RNF213: variants seen among roughly 807,000 people sequenced by gnomAD.
RNF213 encodes the protein ring finger protein 213.
RNF213 carries 341 observed loss-of-function variants against 514.4 expected under a neutral mutation model. The observed-to-expected ratio is 0.66, with a 90% CI of 0.61 to 0.73. RNF213 has a LOEUF of 0.73. Among genes scored for constraint, RNF213 ranks in the 30% least tolerant of loss-of-function variants. RNF213 has a pLI of 0.00. For synonymous variants in RNF213, 2,655 were observed against 2,658.2 expected, an observed-to-expected ratio of 1.00 and a Z score of 0.04; for missense variants, 5,767 against 6,615.6, an observed-to-expected ratio of 0.87 and a Z score of 4.45.
rs2079654771 is a variant in RNF213, at chr17:80,374,367, T to C, written c.12943-91T>C. ...AGCTTGGCTGCCTTTAAACCTCGAA[T>C]GATCAACCACCTGGTTCCTGTACCC... On this transcript the variant is annotated intron_variant, in intron 49 of 67. Transcript: ENST00000582970. 9 of 1,566,364 alleles carry C rather than the reference T, an allele frequency of 5.7e-6. No individual in the cohort carries two copies. The East Asian group carries it at 1.6e-4, about 27-fold the overall frequency.
chr17:80,361,843 T>C lies in RNF213; in HGVS notation c.11310T>C (p.Asp3770=). 6.2e-7 allele frequency: 1 copy of C among 1,613,942 alleles called. No homozygotes were observed. ...QQELLQCYLK[D]FILLTMRVST... is the part of the protein sequence containing the mutation. ...AACTTCTTCAGTGTTACTTGAAGGA[T>C]TTCATTCTCTTGACCATGCGTGTGT... The change falls in exon 39 of 68, where the codon GAT becomes GAC. Residue 3770 remains aspartate (D), a synonymous_variant. Transcript: ENST00000582970.
Position 80,386,324 on chromosome 17 carries a change from C to A in RNF213, c.14614C>A (p.Arg4872Ser). ...LDTEFEILLP[R>S]RRGLGLCATA... ...CACTGAGTTTGAGATCCTCTTGCCA[C>A]GCCGACGGGGCCTGGGCCTCTGTGC... is the stretch of plus-strand genomic sequence containing the variant. The change falls in exon 62 of 68, where the codon CGC (arginine) becomes AGC (serine). Residue 4872 changes from arginine (R) to serine (S), a missense_variant. Arg to Ser is a moderately radical substitution (Grantham distance 110). This residue lies in a region of RNF213 where 1,245 missense variants were observed against 1,339.0 expected (regional missense o/e 0.93). Transcript: ENST00000582970. The A allele has an allele frequency of 4.3e-6, 7 of 1,614,016 alleles. No individual in the cohort carries two copies. The highest frequency in any genetic ancestry group is 1.3e-5 in the African/African-American group (1 of 75,066).
intron 18 of RNF213, 142 bp from the exon 19 acceptor site, chr17:80,327,674 G>A (rs9908583): frequency 0.64 from 417,597 of 651,512 alleles, 138,514 homozygotes; most frequent in Middle Eastern, 0.71. Context: ...AATGATTGGC[G>A]CATCTGGAGA....
intron 13 of RNF213, among the ~76,000 whole-genome samples, chr17:80,308,332 T>TA (rs1475266837): frequency 1.3e-5 from 2 of 152,026 alleles, no homozygotes; most frequent in African/African-American, 4.8e-5. Flanking sequence ...AGTCCTTTCT[T>TA]ACACCGCCTT....
rs752591456 is a variant in RNF213 at position 80,332,064 on chromosome 17, T to C, written c.3576T>C (p.Asn1192=). 1 of 1,537,178 alleles carries C rather than the reference T, an allele frequency of 6.5e-7. No individual in the cohort carries two copies. Residue 1192 remains asparagine, a synonymous_variant, in exon 21 of 68, where the codon AAT becomes AAC. Transcript: ENST00000582970. ...HSQDLSSKRL[N]DTVTVRLSTS... is the part of the protein sequence containing the mutation. ...AAGACCTCAGCAGTAAAAGATTAAA[T>C]GACACCGTGACAGTGAGACTGTCCA...
In RNF213 at chr17:80,375,819, G is replaced by A. The variant is rs140209733; in HGVS notation, c.13134G>A (p.Glu4378=). 9.2e-5 allele frequency: 148 copies of A among 1,614,096 alleles called. No individual in the cohort carries two copies. The highest frequency in any genetic ancestry group is 1.2e-4 in the Non-Finnish European group (141 of 1,180,042). The change falls in exon 51 of 68, where the codon GAG becomes GAA. Residue 4378 remains glutamate (E), a synonymous_variant. Coordinates refer to ENST00000582970, the MANE Select transcript of RNF213 (RefSeq NM_001256071.3). ...SAYFLLTLFR[E]VAILYRSHNA... Reference sequence around the variant, plus strand: ...ACTTCCTGTTAACACTGTTTAGAGAGGTGGCTATTTTGTACAGATCCCACA... The same window carrying A: ...ACTTCCTGTTAACACTGTTTAGAGAAGTGGCTATTTTGTACAGATCCCACA...
intron 54 of RNF213, among the ~76,000 whole-genome samples, chr17:80,378,326 T>TG (rs993587789): frequency 9.9e-5 from 15 of 152,156 alleles, no homozygotes; most frequent in African/African-American, 3.4e-4. Context: ...CTGTGCGCCA[T>TG]GGGGGAAGAA....
intron 2 of RNF213, among the ~76,000 whole-genome samples, chr17:80,270,158 C>A (rs1462559456): frequency 6.6e-6 from 1 of 152,228 alleles, no homozygotes; most frequent in Non-Finnish European, 1.5e-5. Context: ...CCTGCGCATG[C>A]CTTGCTACTT....
At chr17:80,361,977 T>A in intron 39 of RNF213, 89 bp downstream of exon 39, 10 of 1,427,284 alleles carry the variant, frequency 7.0e-6, no homozygotes, top group Middle Eastern at 1.8e-4. Flanking sequence ...CTCAGCTGCC[T>A]GGAGCTGGTG....
At chr17:80,390,988 G>A (rs2080446573) in intron 67 of RNF213, among the ~76,000 whole-genome samples, 1 of 152,112 alleles carries the variant, frequency 6.6e-6, no homozygotes, top group Non-Finnish European at 1.5e-5. Flanking sequence ...CTTTAACCTG[G>A]GAGGTGGAGA....
chr17:80,336,805 G>C (rs1599049807), intron 23 of RNF213: 1 of 329,172 alleles, frequency 3.0e-6, no homozygotes, highest in African/African-American at 2.2e-5. Flanking sequence ...TCTGGAGGCT[G>C]AGACAGAATT....
intron 14 of RNF213, among the ~76,000 whole-genome samples, chr17:80,309,916 T>C (rs889105846): frequency 2.6e-5 from 4 of 151,550 alleles, no homozygotes; most frequent in African/African-American, 9.7e-5. Flanking sequence ...CCACCACGCC[T>C]GGCTAATTTT....
In RNF213 at chr17:80,275,629, A is replaced by G. The variant is rs1336193511; in HGVS notation, c.261+2225A>G. Reference sequence around the variant, plus strand: ...GAGTGTCCCAACTCAGGGCCAGTCTACAGAGACTGAGAGAGTATTATTTTT... The same window carrying G: ...GAGTGTCCCAACTCAGGGCCAGTCTGCAGAGACTGAGAGAGTATTATTTTT... On this transcript the variant is annotated intron_variant, in intron 3 of 67. Transcript: ENST00000582970. 2.0e-5 allele frequency among the ~76,000 whole-genome samples: 3 copies of G among 152,068 alleles called. No individual in the cohort carries two copies. The East Asian group carries it at 5.8e-4, about 29-fold the overall frequency.
intron 65 of RNF213, 92 bp downstream of exon 65, chr17:80,389,459 C>G (rs1186948923): frequency 9.0e-7 from 1 of 1,106,516 alleles, no homozygotes; most frequent in Non-Finnish European, 1.4e-6. Context: ...GAGTGCCACT[C>G]TAGGCGCTCC....
At chr17:80,374,054 C>T (rs2079638588) in intron 49 of RNF213, among the ~76,000 whole-genome samples, 1 of 150,944 alleles carries the variant, frequency 6.6e-6, no homozygotes. Flanking sequence ...GTGGTCCTTT[C>T]CAGATACCCA....
At chr17:80,349,985 C>T (rs577571387) in intron 30 of RNF213, 79 bp downstream of exon 30, 229 of 1,535,602 alleles carry the variant, frequency 1.5e-4, no homozygotes, top group Middle Eastern at 6.9e-4. Context: ...ATGGTACCCG[C>T]GCCGGTTAAT....
Position 80,347,153 on chromosome 17 carries a change from G to A in RNF213, c.8818G>A (p.Glu2940Lys), listed in dbSNP as rs765178941. 5.0e-6 allele frequency: 8 copies of A among 1,613,882 alleles called. No homozygotes were observed. The highest frequency in any genetic ancestry group is 4.0e-5 in the African/African-American group (3 of 74,912). ...CTTTGCGTCCTTTGCCAAAGCCTACGAAACGGTGTGTAAGCGCCAGGACAA... is the reference window on the plus strand; with the variant it reads ...CTTTGCGTCCTTTGCCAAAGCCTACAAAACGGTGTGTAAGCGCCAGGACAA... ...GYFASFAKAY[E>K]TVCKRQDKEF... The change falls in exon 29 of 68, where the codon GAA becomes AAA. Residue 2940 changes from glutamate (E) to lysine (K), a missense_variant. Physicochemically the swap from Glu to Lys is moderately conservative, Grantham distance 56. Transcript: ENST00000582970. The surrounding 1 kb of genome is among the most constrained non-coding windows in gnomAD (Gnocchi z 7.2).
intron 2 of RNF213, among the ~76,000 whole-genome samples, chr17:80,269,159 G>A (rs2043711110): frequency 6.6e-6 from 1 of 152,194 alleles, no homozygotes; most frequent in African/African-American, 2.4e-5. Context: ...CACGCTGGCA[G>A]CTGACTGGAT....
In RNF213 at chr17:80,389,859, T is replaced by C. The variant is rs1278606836; in HGVS notation, c.15227T>C (p.Ile5076Thr). ...AACAGATGCCAGTTAAAACACACCA[T>C]TGCCCTCTGGCAGTTCCTGTCTGCT... is the stretch of plus-strand genomic sequence containing the variant. The part of the protein sequence containing the change: ...ALNRCQLKHT[I>T]ALWQFLSAHK... Residue 5076 changes from isoleucine to threonine, a missense_variant, in exon 66 of 68, where the codon ATT (isoleucine) becomes ACT (threonine). This residue lies in a region of RNF213 where 1,245 missense variants were observed against 1,339.0 expected (regional missense o/e 0.93). Transcript: ENST00000582970. 7 of 1,614,038 alleles carry C rather than the reference T, an allele frequency of 4.3e-6. No homozygotes were observed. The highest frequency in any genetic ancestry group is 2.2e-5 in the East Asian group (1 of 44,898).
Sources: gnomAD v4.1 joint callset for allele counts (sites outside exome capture counted in the v4.1 genomes callset) on GRCh38, gnomAD v4.1.1 for gene constraint, gnomAD v4.1.1 regional missense constraint, Gnocchi (gnomAD v3.1) non-coding constraint, MANE v1.5 for transcripts, NCBI Gene and HGNC (gene_info 2026-07-23, HGNC 2026-07-21) for gene names.